The following MAML3 variants were observed in gnomAD, a reference collection of about 807,000 sequenced individuals.
MAML3 encodes mastermind-like protein 3.
In MAML3, 27 loss-of-function variants were observed where a neutral mutation model predicts 101.9. The ratio of observed to expected loss-of-function variants is 0.27; its 90% CI spans 0.20 to 0.37. The LOEUF (loss-of-function observed/expected upper bound fraction) is 0.37. MAML3 is among the 10% of genes least tolerant of loss of function. The pLI is 1.00. For synonymous variants in MAML3, 501 were observed against 555.9 expected (o/e 0.90, Z 1.39); for missense variants, 1,316 against 1,444.9 (o/e 0.91, Z 1.45).
chr4:139,885,637 A>G (rs1046792286), intron 2 of MAML3, among the ~76,000 whole-genome samples: 2 of 151,668 alleles, frequency 1.3e-5, no homozygotes, highest in Admixed American at 1.3e-4. Flanking sequence ...ACAAAAAAAA[A>G]AGTAGGCCGG....
chr4:139,784,766 A>G (rs954761315), intron 2 of MAML3, among the ~76,000 whole-genome samples: 1 of 152,200 alleles, frequency 6.6e-6, no homozygotes, highest in Non-Finnish European at 1.5e-5. Flanking sequence ...GCCTTGGCCA[A>G]GTCTGCAGCC....
At chr4:140,025,965 T>G (rs915486219) in intron 1 of MAML3, among the ~76,000 whole-genome samples, 6 of 152,212 alleles carry the variant, frequency 3.9e-5, no homozygotes, top group Admixed American at 1.3e-4. Context: ...TCCTCCCTGA[T>G]CACTGTGGCT....
chr4:139,813,618 T>C (rs894831050), intron 2 of MAML3, among the ~76,000 whole-genome samples: 1 of 152,286 alleles, frequency 6.6e-6, no homozygotes, highest in African/African-American at 2.4e-5. Flanking sequence ...TTACTTCTCA[T>C]GTACCCTTTC....
chr4:139,968,344 G>GAATCT (rs1318026835), intron 1 of MAML3, among the ~76,000 whole-genome samples: 1 of 147,850 alleles, frequency 6.8e-6, no homozygotes, highest in Non-Finnish European at 1.5e-5. Flanking sequence ...GAAAAAAAAA[G>GAATCT]AATCTGTGAA....
intron 1 of MAML3, among the ~76,000 whole-genome samples, chr4:139,934,533 G>A (rs1360022247): frequency 1.3e-5 from 2 of 152,126 alleles, no homozygotes; most frequent in African/African-American, 4.8e-5. Flanking sequence ...GCTCCTGGCT[G>A]CCTTCTCTCC....
chr4:139,869,095 C>T (rs1346117695), intron 2 of MAML3, among the ~76,000 whole-genome samples: 2 of 152,314 alleles, frequency 1.3e-5, no homozygotes, highest in South Asian at 2.1e-4. Context: ...TTATTTCAAT[C>T]CCATGTTTGT....
chr4:140,042,073 A>G (rs2110909343), intron 1 of MAML3, among the ~76,000 whole-genome samples: 1 of 152,310 alleles, frequency 6.6e-6, no homozygotes, highest in East Asian at 1.9e-4. Flanking sequence ...CATTTTACTA[A>G]TAAGAAATAA....
chr4:139,771,977 C>A (rs563572668), intron 2 of MAML3, among the ~76,000 whole-genome samples: 6 of 149,860 alleles, frequency 4.0e-5, no homozygotes, highest in South Asian at 2.1e-4. Flanking sequence ...CGGTGGCTCA[C>A]GCCTGTAATC....
At chr4:140,095,053 G>T (rs4863732) in intron 1 of MAML3, among the ~76,000 whole-genome samples, 2 of 152,076 alleles carry the variant, frequency 1.3e-5, no homozygotes. Flanking sequence ...CCGCAGCCAG[G>T]CTGCAGCCAC....
At chr4:139,777,422 A>C (rs1417465811) in intron 2 of MAML3, among the ~76,000 whole-genome samples, 2 of 152,152 alleles carry the variant, frequency 1.3e-5, no homozygotes, top group Non-Finnish European at 2.9e-5. Context: ...TTCAGTCTCC[A>C]CTGCCACTTC....
chr4:140,076,827 G>A (rs1379742935), intron 1 of MAML3, among the ~76,000 whole-genome samples: 1 of 152,110 alleles, frequency 6.6e-6, no homozygotes, highest in Non-Finnish European at 1.5e-5. Context: ...GCAGACACAG[G>A]GAAGGAATCT....
At chr4:140,006,999 T>C (rs1007448824) in intron 1 of MAML3, among the ~76,000 whole-genome samples, 2 of 152,132 alleles carry the variant, frequency 1.3e-5, no homozygotes, top group Non-Finnish European at 2.9e-5. Context: ...TAAAATAAGC[T>C]TTGGTGGTAA....
At chr4:139,980,309 G>A (rs1471999536) in intron 1 of MAML3, among the ~76,000 whole-genome samples, 1 of 152,146 alleles carries the variant, frequency 6.6e-6, no homozygotes, top group Non-Finnish European at 1.5e-5. Context: ...CTTGATCCCT[G>A]AGAAAATTCC....
rs933553717 is a variant in MAML3, at chr4:140,077,320, T to C, written c.468+75540A>G. Among the ~76,000 whole-genome samples, 7 of 152,072 alleles carry C rather than the reference T, an allele frequency of 4.6e-5. No individual in the cohort carries two copies. The East Asian group carries it at 1.3e-3, about 29-fold the overall frequency. Reference sequence around the variant, plus strand: ...CAATGTTTCTGATTCATACAAAACTTCCCCCATCAGTACTGCCATAAAAGG... The same window carrying C: ...CAATGTTTCTGATTCATACAAAACTCCCCCCATCAGTACTGCCATAAAAGG... On this transcript the variant is annotated intron_variant, in intron 1 of 4. Transcript: ENST00000509479.
chr4:139,789,154 A>G (rs1730359416), intron 2 of MAML3, among the ~76,000 whole-genome samples: 1 of 152,212 alleles, frequency 6.6e-6, no homozygotes, highest in Non-Finnish European at 1.5e-5. Flanking sequence ...ATCACATGAA[A>G]GGCAGTAGAC....
intron 2 of MAML3, among the ~76,000 whole-genome samples, chr4:139,814,495 A>G (rs1730860715): frequency 6.6e-6 from 1 of 152,144 alleles, no homozygotes; most frequent in African/African-American, 2.4e-5. Context: ...CCATCCCGAG[A>G]GGGTTTCCTG....
intron 1 of MAML3, among the ~76,000 whole-genome samples, chr4:140,085,045 C>A (rs1287566801): frequency 6.6e-6 from 1 of 152,076 alleles, no homozygotes; most frequent in Non-Finnish European, 1.5e-5. Flanking sequence ...CCTGAATATC[C>A]CCTCTGATGC....
rs754950926 is a variant in MAML3, at chr4:140,152,848, G to T, written c.468+12C>A. 1.7e-5 allele frequency: 26 copies of T among 1,552,104 alleles called. No homozygotes were observed. Among genetic ancestry groups the T allele is most frequent in the Admixed American group, 1.1e-4 (6 of 56,676 alleles). On this transcript the variant is annotated intron_variant, in intron 1 of 4. Transcript: ENST00000509479. The stretch of plus-strand genomic sequence containing the variant: ...AACGCGCGCCGCAAGCCCGCTGCCC[G>T]TGCGCCCTCACCATGATCAGCGTGT...
Position 139,779,603 on chromosome 4 carries a change from C to T in MAML3, c.2080-48936G>A, listed in dbSNP as rs369568000. On this transcript the variant is annotated intron_variant, in intron 2 of 4. Transcript: ENST00000509479. ...CCCATATTAAAAAGTATTTCTTAGACTGCATCTGTATCCTGGGATCTGCCA... is the reference window on the plus strand; with the variant it reads ...CCCATATTAAAAAGTATTTCTTAGATTGCATCTGTATCCTGGGATCTGCCA... Among the ~76,000 whole-genome samples the T allele has an allele frequency of 5.5e-4, 84 of 152,310 alleles. 2 individuals carry two copies. The East Asian group carries it at 0.015, about 28-fold the overall frequency.
Sources: gnomAD v4.1 joint callset for allele counts (sites outside exome capture counted in the v4.1 genomes callset) on GRCh38, gnomAD v4.1.1 for gene constraint, MANE v1.5 for transcripts, NCBI Gene and HGNC (gene_info 2026-07-23, HGNC 2026-07-21) for gene names.